AFF2: variants seen among roughly 807,000 people sequenced by gnomAD.
AFF2 encodes the protein ALF transcription elongation factor 2, also known as AF4/FMR2 family member 2.
A neutral mutation model predicts 76.9 loss-of-function variants in AFF2; 14 were observed. The ratio of observed to expected loss-of-function variants is 0.18; its 90% CI spans 0.12 to 0.28. The LOEUF (loss-of-function observed/expected upper bound fraction) is 0.28. AFF2 is among the 10% of genes least tolerant of loss of function. The probability of loss-of-function intolerance (pLI) is 1.00; values close to 1 mark genes in which losing one functional copy is unlikely to be tolerated. For synonymous variants in AFF2, 398 were observed against 366.7 expected (o/e 1.09, Z -0.98); for missense variants, 868 against 1,001.1 (o/e 0.87, Z 1.79).
At chrX:148,581,053 A>ATG (rs2053356936) in intron 1 of AFF2, among the ~76,000 whole-genome samples, 1 of 90,892 alleles carries the variant, frequency 1.1e-5, no homozygotes, top group Non-Finnish European at 2.3e-5. Flanking sequence ...ATATACACAT[A>ATG]TGTGTATATG....
chrX:148,605,761 C>T (rs1034381417), intron 1 of AFF2, among the ~76,000 whole-genome samples: 3 of 111,746 alleles, frequency 2.7e-5, no homozygotes, highest in African/African-American at 3.3e-5. Context: ...GTGATAGTAA[C>T]GGGTTATGAT....
At chrX:148,668,678 A>G (rs2054385521) in intron 3 of AFF2, among the ~76,000 whole-genome samples, 1 of 111,874 alleles carries the variant, frequency 8.9e-6, no homozygotes, top group African/African-American at 3.3e-5. Context: ...GAGCAACTAG[A>G]ATGCAGGGTA....
chrX:148,814,571 G>A (rs980579062), intron 4 of AFF2, among the ~76,000 whole-genome samples: 1 of 111,407 alleles, frequency 9.0e-6, no homozygotes, highest in Admixed American at 9.6e-5. Flanking sequence ...AGGATTTAGG[G>A]AACTTGATTT....
chrX:148,843,064 T>C, intron 6 of AFF2, 62 bp downstream of exon 6: 2 of 937,924 alleles, frequency 2.1e-6, no homozygotes, highest in South Asian at 2.3e-5. Context: ...CCTCATTTTT[T>C]CCTTTTTCCT....
intron 1 of AFF2, among the ~76,000 whole-genome samples, chrX:148,532,542 T>C (rs782333664): frequency 8.9e-6 from 1 of 112,335 alleles, no homozygotes; most frequent in East Asian, 2.8e-4. Context: ...TCCATGAAAA[T>C]AGGCATTCTT....
chrX:148,633,709 A>T (rs1410131582), intron 1 of AFF2, among the ~76,000 whole-genome samples: 2 of 112,347 alleles, frequency 1.8e-5, no homozygotes, highest in Admixed American at 1.9e-4. Context: ...AATCCCACAC[A>T]GTCTGGAATA....
chrX:148,538,028 A>G (rs1486408820), intron 1 of AFF2, among the ~76,000 whole-genome samples: 1 of 112,412 alleles, frequency 8.9e-6, no homozygotes, highest in Non-Finnish European at 1.9e-5. Context: ...GACGTGGGCC[A>G]TCCTTCCCCT....
chrX:148,657,632 G>T (rs1557257294), intron 2 of AFF2, among the ~76,000 whole-genome samples: 1 of 112,082 alleles, frequency 8.9e-6, no homozygotes, highest in East Asian at 2.8e-4. Context: ...AACCAGACAT[G>T]TAATTTATGC....
intron 1 of AFF2, among the ~76,000 whole-genome samples, chrX:148,608,880 T>A (rs1432384288): frequency 8.9e-6 from 1 of 111,859 alleles, no homozygotes; most frequent in African/African-American, 3.3e-5. Context: ...AGAAAGTCCT[T>A]GAGCCAAATC....
In AFF2 at chrX:148,989,301, T is replaced by C. The variant is rs895157733; in HGVS notation, c.3814+1744T>C. Reference sequence around the variant, plus strand: ...TTTATCATTGCATCCATTTTCAAAATCTGTTAAAAGTATTTCCTTCTAAAT... The same window carrying C: ...TTTATCATTGCATCCATTTTCAAAACCTGTTAAAAGTATTTCCTTCTAAAT... On this transcript the variant is annotated intron_variant, in intron 20 of 20. Coordinates refer to ENST00000370460, the MANE Select transcript of AFF2 (RefSeq NM_002025.4). 2.7e-5 allele frequency among the ~76,000 whole-genome samples: 3 copies of C among 112,661 alleles called. No individual in the cohort carries two copies. The Admixed American group carries it at 2.8e-4, about 11-fold the overall frequency.
At chrX:148,911,205 T>A (rs1165800732) in intron 9 of AFF2, among the ~76,000 whole-genome samples, 1 of 110,283 alleles carries the variant, frequency 9.1e-6, no homozygotes, top group Non-Finnish European at 1.9e-5. Flanking sequence ...CCTTTTACAT[T>A]TGTGGAATAA....
chrX:148,958,248 T>G, intron 11 of AFF2, 89 bp from the exon 12 acceptor site: 1 of 1,106,183 alleles, frequency 9.0e-7, no homozygotes, highest in South Asian at 2.1e-5. Flanking sequence ...AAGCAAACTA[T>G]GTATCTTGCT....
chrX:148,989,053 C>T (rs5980394), intron 20 of AFF2, among the ~76,000 whole-genome samples: 1,628 of 111,974 alleles, frequency 0.015, 11 homozygotes, highest in Middle Eastern at 0.023. Context: ...TGGTGAGATC[C>T]CAAACCAGTT....
intron 3 of AFF2, among the ~76,000 whole-genome samples, chrX:148,760,888 A>C (rs1219610893): frequency 1.8e-5 from 2 of 111,991 alleles, no homozygotes; most frequent in Non-Finnish European, 3.8e-5. Context: ...GCTGACATTC[A>C]ATGCCAAGTC....
rs190962764 is a variant in AFF2, at chrX:148,842,817, A to G, written c.1174-149A>G. ...AAATGTTTATCCTTCAAATAGAGCT[A>G]TAGACAAAAGCCTAATTAATGGAAT... On this transcript the variant is annotated intron_variant, in intron 5 of 20. Transcript: ENST00000370460. 5 of 406,841 alleles carry G rather than the reference A, an allele frequency of 1.2e-5. No homozygotes were observed. In the African/African-American group the frequency reaches 1.3e-4, roughly 10 times the overall value. 33.5% of individuals were successfully genotyped at this position (406,841 alleles called of 1,213,427 possible).
intron 3 of AFF2, among the ~76,000 whole-genome samples, chrX:148,682,593 G>C: frequency 9.1e-6 from 1 of 109,842 alleles, no homozygotes; most frequent in African/African-American, 3.3e-5. Flanking sequence ...TGGATGGATG[G>C]ATGGATGGAT....
At chrX:148,591,553 G>C (rs1557246638) in intron 1 of AFF2, among the ~76,000 whole-genome samples, 1 of 112,463 alleles carries the variant, frequency 8.9e-6, no homozygotes, top group African/African-American at 3.2e-5. Context: ...CCACGCATAT[G>C]CTGGTTATTC....
At chrX:148,732,679 T>C (rs1231809804) in intron 3 of AFF2, among the ~76,000 whole-genome samples, 1 of 108,863 alleles carries the variant, frequency 9.2e-6, no homozygotes, top group African/African-American at 3.4e-5. Context: ...TTTAGCTTCT[T>C]ATGTATAGAA....
intron 3 of AFF2, among the ~76,000 whole-genome samples, chrX:148,787,577 C>T (rs1213898458): frequency 8.0e-5 from 9 of 112,127 alleles, no homozygotes; most frequent in Non-Finnish European, 3.8e-5. Flanking sequence ...TCAAAGTTCA[C>T]ATTGACATTG....
Sources: allele counts gnomAD v4.1 joint callset (sites outside exome capture counted in the v4.1 genomes callset), GRCh38; gene constraint gnomAD v4.1.1; transcripts MANE v1.5; gene names NCBI Gene and HGNC (gene_info 2026-07-23, HGNC 2026-07-21).